Variants in DNAH2 observed in about 807,000 individuals in gnomAD.
DNAH2 encodes dynein axonemal heavy chain 2, also known as axonemal beta dynein heavy chain 2.
A neutral mutation model predicts 523.5 loss-of-function variants in DNAH2; 323 were observed. The observed-to-expected ratio is 0.62, with a 90% CI of 0.56 to 0.68. DNAH2 has a LOEUF of 0.68. DNAH2 is among the 30% of genes least tolerant of loss of function. DNAH2 has a pLI of 0.00. For synonymous variants in DNAH2, 2,093 were observed against 2,177.4 expected, an observed-to-expected ratio of 0.96 and a Z score of 1.08; for missense variants, 4,907 against 5,701.5, an observed-to-expected ratio of 0.86 and a Z score of 4.49.
chr17:7,732,938 A>G (rs1301528078), intron 4 of DNAH2, 149 bp from the exon 5 acceptor site: 2 of 706,118 alleles, frequency 2.8e-6, no homozygotes, highest in Admixed American at 5.8e-5. Flanking sequence ...CATATCCGTG[A>G]AAAGAACAGG....
Position 7,824,676 on chromosome 17 carries a change from C to A in DNAH2, c.11802C>A (p.Phe3934Leu). ...TCAGCTCCATCCCCCACCCAGACTT[C>A]CCTATCTCAATCTTGCAGGTCAGCA... is the stretch of plus-strand genomic sequence containing the variant. ...LWLSSIPHPDFPISILQVSIK... is the reference protein window; with the variant it reads ...LWLSSIPHPDLPISILQVSIK... The change falls in exon 77 of 86, where the codon TTC becomes TTA. Residue 3934 changes from phenylalanine (F) to leucine (L), a missense_variant. By Grantham distance (22) the Phe-to-Leu change is conservative (BLOSUM62 0). This residue lies in a region of DNAH2 where 1,851 missense variants were observed against 2,139.4 expected (regional missense o/e 0.87). Coordinates refer to ENST00000572933, the MANE Select transcript of DNAH2 (RefSeq NM_020877.5). 1.2e-6 allele frequency: 2 copies of A among 1,603,480 alleles called. No homozygotes were observed. Among genetic ancestry groups the A allele is most frequent in the Non-Finnish European group, 1.7e-6 (2 of 1,173,146 alleles).
Position 7,832,629 on chromosome 17 carries a change from G to A in DNAH2, c.12777G>A (p.Met4259Ile), listed in dbSNP as rs772357961. 6 of 1,614,072 alleles carry A rather than the reference G, an allele frequency of 3.7e-6. No individual in the cohort carries two copies. Among genetic ancestry groups the A allele is most frequent in the Non-Finnish European group, 5.1e-6 (6 of 1,180,058 alleles). ...CTGCCTGGACCCGGGACTTGGCCAT[G>A]CGTGTGGAGCAGTTTGAGCTGTGGG... ...PLAAWTRDLA[M>I]RVEQFELWAS... The change falls in exon 83 of 86, where the codon ATG becomes ATA. Residue 4259 changes from methionine (M) to isoleucine (I), a missense_variant. Met to Ile is a conservative substitution (Grantham distance 10, BLOSUM62 1). This residue lies in a region of DNAH2 where 1,851 missense variants were observed against 2,139.4 expected (regional missense o/e 0.87). Coordinates refer to ENST00000572933, the MANE Select transcript of DNAH2 (RefSeq NM_020877.5). The surrounding 1 kb of genome is among the most constrained non-coding windows in gnomAD (Gnocchi z 4.3).
chr17:7,811,442 C>T lies in DNAH2; in HGVS notation c.9729+3856C>T, dbSNP rs78012130. Among the ~76,000 whole-genome samples, 636 of 152,314 alleles carry T rather than the reference C, an allele frequency of 4.2e-3. 1 individual carries two copies. Among genetic ancestry groups the T allele is most frequent in the Middle Eastern group, 0.014 (4 of 294 alleles). The stretch of plus-strand genomic sequence containing the variant: ...AGTTAAAGTCCCCAAGTCATCCTCC[C>T]CAACTTCCTGTTCTGCTCCATCTCA... On this transcript the variant is annotated intron_variant, in intron 63 of 85. Transcript: ENST00000572933.
rs1396709454 is a variant in DNAH2, at chr17:7,777,540, A to C, written c.5153A>C (p.His1718Pro). ...GTGGCTCTGGTGACGATAGAAATTC[A>C]TGCCCGGGATGTGTTGGAGAAGCTT... ...KIVALVTIEI[H>P]ARDVLEKLYK... is the part of the protein sequence containing the mutation. The change falls in exon 33 of 86, where the codon CAT (histidine) becomes CCT (proline). Residue 1718 changes from histidine (H) to proline (P), a missense_variant. This residue lies in a region of DNAH2 where 2,806 missense variants were observed against 3,190.8 expected (regional missense o/e 0.88). Coordinates refer to ENST00000572933, the MANE Select transcript of DNAH2 (RefSeq NM_020877.5). 6.2e-7 allele frequency: 1 copy of C among 1,614,036 alleles called. No individual in the cohort carries two copies. Among genetic ancestry groups the C allele is most frequent in the Non-Finnish European group, 8.5e-7 (1 of 1,180,028 alleles).
chr17:7,832,925 C>T lies in DNAH2; in HGVS notation c.12975C>T (p.Pro4325=). 1 of 1,614,158 alleles carries T rather than the reference C, an allele frequency of 6.2e-7. No homozygotes were observed. Among genetic ancestry groups the T allele is most frequent in the Non-Finnish European group, 8.5e-7 (1 of 1,180,022 alleles). Residue 4325 remains proline, a synonymous_variant, in exon 84 of 86, where the codon CCC becomes CCT. Transcript: ENST00000572933. This position sits in a 1 kb window ranked among gnomAD's most constrained non-coding sequence, Gnocchi z 4.3. ...TVDDSNLVYP[P]KDGVWVRGLY... is the part of the protein sequence containing the mutation. ...ATGACAGCAACCTAGTGTATCCCCC[C>T]AAGGTGGGAGCCAGTTGTGCTTGGG...
chr17:7,772,049 T>C (rs1278709864), intron 28 of DNAH2, among the ~76,000 whole-genome samples: 1 of 152,080 alleles, frequency 6.6e-6, no homozygotes, highest in Non-Finnish European at 1.5e-5. Context: ...TTAACTAGCC[T>C]TCAGCCATGG....
At chr17:7,776,405 G>T (rs528370627) in intron 31 of DNAH2, among the ~76,000 whole-genome samples, 1 of 152,202 alleles carries the variant, frequency 6.6e-6, no homozygotes, top group Non-Finnish European at 1.5e-5. Flanking sequence ...GGTGAAGGTT[G>T]TAGTGAGCCG....
chr17:7,724,146 A>T (rs1162691545), intron 3 of DNAH2, among the ~76,000 whole-genome samples: 1 of 152,174 alleles, frequency 6.6e-6, no homozygotes, highest in Non-Finnish European at 1.5e-5. Context: ...TCCAAGTTGC[A>T]TCAAAGCCTA....
chr17:7,796,410 C>T (rs1366348524), intron 49 of DNAH2, 54 bp from the exon 50 acceptor site: 3 of 1,583,610 alleles, frequency 1.9e-6, no homozygotes, highest in Non-Finnish European at 2.6e-6. Context: ...TATTGGCTTC[C>T]CCTCTGGCTA....
chr17:7,736,279 G>C (rs1287146519), intron 7 of DNAH2, among the ~76,000 whole-genome samples: 1 of 152,200 alleles, frequency 6.6e-6, no homozygotes, highest in African/African-American at 2.4e-5. Flanking sequence ...TAGAAGACCT[G>C]TCTTCCTAGG....
chr17:7,819,495 C>T (rs1012674216), intron 72 of DNAH2, 87 bp downstream of exon 72: 19 of 1,447,162 alleles, frequency 1.3e-5, no homozygotes, highest in African/African-American at 1.1e-4. Flanking sequence ...TTTCCCGCAC[C>T]GCGGCTCTCA....
At chr17:7,745,667 G>A (rs562799444) in intron 12 of DNAH2, among the ~76,000 whole-genome samples, 1 of 152,112 alleles carries the variant, frequency 6.6e-6, no homozygotes, top group South Asian at 2.1e-4. Context: ...GTGCATGCCT[G>A]TAGTCCCAGC....
At chr17:7,766,544 T>A (rs764152694) in intron 22 of DNAH2, 63 bp downstream of exon 22, 5 of 1,526,754 alleles carry the variant, frequency 3.3e-6, no homozygotes, top group Non-Finnish European at 4.4e-6. Flanking sequence ...GGAGAATGGG[T>A]CCTTAGCGCC....
rs995591356 is a variant in DNAH2, at chr17:7,754,886, A to G, written c.1905-2205A>G. On this transcript the variant is annotated intron_variant, in intron 12 of 85. Transcript: ENST00000572933. This position sits in a 1 kb window ranked among gnomAD's most constrained non-coding sequence, Gnocchi z 4.6. ...TGTCTGCCAACGTGAGGACAGAAGG[A>G]CAGGTGCCACCCACCCCGGGCTGCC... 2.5e-5 allele frequency: 15 copies of G among 602,558 alleles called. No individual in the cohort carries two copies. The highest frequency in any genetic ancestry group is 3.5e-5 in the Non-Finnish European group (12 of 338,070). 37.3% of individuals were successfully genotyped at this position (602,558 alleles called of 1,614,324 possible). A position where few individuals can be genotyped will look rare whatever the true frequency, so the allele number is the denominator to read the frequency against.
intron 8 of DNAH2, among the ~76,000 whole-genome samples, chr17:7,738,520 AG>A (rs1164600799): frequency 2.6e-5 from 4 of 151,932 alleles, no homozygotes; most frequent in Admixed American, 6.6e-5. Context: ...TAGTAGAGAC[AG>A]GGTTTCACCG....
At chr17:7,738,977 T>C (rs1441538995) in intron 8 of DNAH2, 2 of 702,806 alleles carry the variant, frequency 2.8e-6, no homozygotes, top group Admixed American at 2.0e-5. Context: ...TTTGCTCAGG[T>C]TGATGCCTTT....
intron 60 of DNAH2, 35 bp downstream of exon 60, chr17:7,805,109 A>G: frequency 6.2e-7 from 1 of 1,604,476 alleles, no homozygotes; most frequent in Non-Finnish European, 8.5e-7. Flanking sequence ...GGAGCCAGGA[A>G]CGCGAGGCCC....
chr17:7,765,980 T>C (rs926633362), intron 21 of DNAH2, among the ~76,000 whole-genome samples: 2 of 152,034 alleles, frequency 1.3e-5, no homozygotes, highest in African/African-American at 2.4e-5. Flanking sequence ...GGTTTTACCA[T>C]GTTGGCGAGG....
chr17:7,759,524 A>G lies in DNAH2; in HGVS notation c.2551A>G (p.Ile851Val), dbSNP rs1185611624. The G allele has an allele frequency of 2.8e-5, 45 of 1,614,094 alleles. No homozygotes were observed. The highest frequency in any genetic ancestry group is 3.6e-5 in the Non-Finnish European group (42 of 1,180,040). ...GTCACTGCTAGAACTATCCAAGGCT[A>G]TCAACGGGGATGGAAAGACCAGCCC... The part of the protein sequence containing the change: ...KWSLLELSKA[I>V]NGDGKTSPNP... Residue 851 changes from isoleucine to valine, a missense_variant, in exon 16 of 86, where the codon ATC (isoleucine) becomes GTC (valine). Around this residue, in one of 3 missense-constraint regions of DNAH2, gnomAD observed 2,806 missense variants for 3,190.8 expected, o/e 0.88. Transcript: ENST00000572933.
Sources: gnomAD v4.1 joint callset for allele counts (sites outside exome capture counted in the v4.1 genomes callset) on GRCh38, gnomAD v4.1.1 for gene constraint, gnomAD v4.1.1 regional missense constraint, Gnocchi (gnomAD v3.1) non-coding constraint, MANE v1.5 for transcripts, NCBI Gene and HGNC (gene_info 2026-07-23, HGNC 2026-07-21) for gene names.